The following ACSS3 variants were observed in gnomAD, a reference collection of about 807,000 sequenced individuals.
ACSS3 encodes the protein acyl-CoA synthetase short-chain family member 3, mitochondrial.
Under a neutral mutation model 84.2 loss-of-function variants are expected in ACSS3, and 64 were observed. The ratio of observed to expected loss-of-function variants is 0.76; its 90% CI spans 0.62 to 0.94. The LOEUF (loss-of-function observed/expected upper bound fraction) is 0.94, where lower values mean the gene tolerates loss of function less well. Among genes scored for constraint, ACSS3 ranks in the 40% least tolerant of loss-of-function variants. The probability of loss-of-function intolerance (pLI) is 0.00; values close to 1 mark genes in which losing one functional copy is unlikely to be tolerated. For missense variants in ACSS3, 815 were observed against 867.6 expected (o/e 0.94, Z 0.76); for synonymous variants, 317 against 310.1 (o/e 1.02, Z -0.23).
At chr12:81,111,846 C>T (rs7294617) in intron 2 of ACSS3, among the ~76,000 whole-genome samples, 53,412 of 152,020 alleles carry the variant, frequency 0.35, 11,867 homozygotes, top group Non-Finnish European at 0.5. Context: ...GACCTGTCTC[C>T]CTCTAGGATG....
intron 2 of ACSS3, among the ~76,000 whole-genome samples, chr12:81,132,592 T>C (rs1885576482): frequency 6.6e-6 from 1 of 152,200 alleles, no homozygotes; most frequent in Admixed American, 6.5e-5. Context: ...CCTAGATTCA[T>C]TGATTTTTTG....
chr12:81,129,770 C>G (rs1354077223), intron 2 of ACSS3, among the ~76,000 whole-genome samples: 1 of 148,324 alleles, frequency 6.7e-6, no homozygotes, highest in African/African-American at 2.5e-5. Context: ...TGCTATCCCT[C>G]TCCCCTCCCC....
chr12:81,109,781 A>G (rs1883418522), intron 2 of ACSS3, 77 bp downstream of exon 2: 6 of 1,201,948 alleles, frequency 5.0e-6, no homozygotes, highest in Non-Finnish European at 6.7e-6. Context: ...CTCATTGTAG[A>G]GCCTTCAATT....
intron 3 of ACSS3, among the ~76,000 whole-genome samples, chr12:81,137,321 T>TCACA (rs57701806): frequency 0.036 from 5,094 of 141,732 alleles, 176 homozygotes; most frequent in African/African-American, 0.092. Context: ...TTTTCATCCA[T>TCACA]CACACACACA....
At chr12:81,123,179 G>T (rs1884782693) in intron 2 of ACSS3, among the ~76,000 whole-genome samples, 1 of 152,118 alleles carries the variant, frequency 6.6e-6, no homozygotes, top group Non-Finnish European at 1.5e-5. Flanking sequence ...TATCTCTTGA[G>T]GTGGGATAAA....
intron 2 of ACSS3, among the ~76,000 whole-genome samples, chr12:81,116,050 T>C (rs1884017046): frequency 6.6e-6 from 1 of 152,086 alleles, no homozygotes; most frequent in African/African-American, 2.4e-5. Flanking sequence ...ACCATATGTT[T>C]CTGTGAGCTA....
chr12:81,165,892 A>T (rs536842862), intron 7 of ACSS3, among the ~76,000 whole-genome samples: 1 of 152,316 alleles, frequency 6.6e-6, no homozygotes, highest in South Asian at 2.1e-4. Context: ...AATTAATAAT[A>T]ATTATTATTG....
chr12:81,094,086 T>C (rs868840955), intron 1 of ACSS3, among the ~76,000 whole-genome samples: 180 of 152,236 alleles, frequency 1.2e-3, no homozygotes, highest in Non-Finnish European at 4.9e-4. Context: ...GGTTTCTCTT[T>C]ATTTGCTTTT....
At chr12:81,195,603 T>C (rs1203114424) in intron 8 of ACSS3, among the ~76,000 whole-genome samples, 3 of 152,060 alleles carry the variant, frequency 2.0e-5, no homozygotes, top group African/African-American at 7.2e-5. Context: ...TGGTTTTTTT[T>C]TCCTAGTCTC....
rs566936915 is a variant in ACSS3 at position 81,247,745 on chromosome 12, A to G, written c.1720-5562A>G. On this transcript the variant is annotated intron_variant, in intron 13 of 15. Transcript: ENST00000548058. ...TGACTTTTTACTAGCTCCTAGCAAT[A>G]TTGCTTAGCAAATTGATTATTTCCT... Among the ~76,000 whole-genome samples the G allele has an allele frequency of 1.8e-3, 276 of 152,210 alleles. 1 individual carries two copies. The highest frequency in any genetic ancestry group is 6.2e-3 in the African/African-American group (256 of 41,572).
intron 3 of ACSS3, among the ~76,000 whole-genome samples, chr12:81,136,021 C>T (rs2525843): frequency 0.47 from 71,179 of 151,924 alleles, 16,955 homozygotes; most frequent in East Asian, 0.62. Flanking sequence ...GTTCCTGACA[C>T]TGTCTTTGCA....
At chr12:81,096,453 C>T (rs916086362) in intron 1 of ACSS3, among the ~76,000 whole-genome samples, 4 of 152,128 alleles carry the variant, frequency 2.6e-5, no homozygotes, top group Non-Finnish European at 5.9e-5. Context: ...CGGACATGCA[C>T]TTGTACCATT....
intron 1 of ACSS3, among the ~76,000 whole-genome samples, chr12:81,097,632 T>C (rs1882162409): frequency 6.6e-6 from 1 of 152,252 alleles, no homozygotes; most frequent in Non-Finnish European, 1.5e-5. Flanking sequence ...CATAGAGCTA[T>C]GCCCTCCTAA....
At chr12:81,191,117 C>A (rs1171689197) in intron 8 of ACSS3, among the ~76,000 whole-genome samples, 1 of 151,986 alleles carries the variant, frequency 6.6e-6, no homozygotes, top group South Asian at 2.1e-4. Flanking sequence ...TGCACAGCCT[C>A]CCCTACTATG....
chr12:81,095,544 C>T (rs960543431), intron 1 of ACSS3, among the ~76,000 whole-genome samples: 12 of 152,118 alleles, frequency 7.9e-5, no homozygotes, highest in African/African-American at 2.7e-4. Flanking sequence ...GTATCCTTAA[C>T]GTCTTTGAAT....
chr12:81,161,502 C>T (rs1227242548), intron 7 of ACSS3, among the ~76,000 whole-genome samples: 1 of 152,178 alleles, frequency 6.6e-6, no homozygotes, highest in Non-Finnish European at 1.5e-5. Context: ...GCTAGTTTTT[C>T]AACTTTGCAT....
intron 8 of ACSS3, among the ~76,000 whole-genome samples, chr12:81,188,020 C>T (rs1407119350): frequency 6.6e-6 from 1 of 151,808 alleles, no homozygotes; most frequent in African/African-American, 2.4e-5. Context: ...GAATAGGATA[C>T]CTCTAAAGGG....
intron 2 of ACSS3, among the ~76,000 whole-genome samples, chr12:81,116,883 A>AT (rs1347745642): frequency 6.6e-6 from 1 of 152,074 alleles, no homozygotes; most frequent in South Asian, 2.1e-4. Context: ...TATATTAGGA[A>AT]TTTTTATTTT....
At chr12:81,118,356 C>G (rs145061891) in intron 2 of ACSS3, among the ~76,000 whole-genome samples, 7 of 152,282 alleles carry the variant, frequency 4.6e-5, no homozygotes, top group African/African-American at 1.7e-4. Flanking sequence ...TCTTATAGCT[C>G]ATTGCCTTCA....
Sources: allele counts gnomAD v4.1 joint callset (sites outside exome capture counted in the v4.1 genomes callset), GRCh38; gene constraint gnomAD v4.1.1; transcripts MANE v1.5; gene names NCBI Gene and HGNC (gene_info 2026-07-23, HGNC 2026-07-21).